Variants in CERS3 observed in about 807,000 individuals in gnomAD.
CERS3 encodes the protein LAG1 homolog, ceramide synthase 3.
Under a neutral mutation model 50.3 loss-of-function variants are expected in CERS3, and 33 were observed. The ratio of observed to expected loss-of-function variants is 0.66; its 90% CI spans 0.50 to 0.88. CERS3 has a LOEUF of 0.88. Among genes scored for constraint, CERS3 ranks in the 40% least tolerant of loss-of-function variants. The probability of loss-of-function intolerance (pLI) is 0.00; values close to 1 mark genes in which losing one functional copy is unlikely to be tolerated. For synonymous variants in CERS3, 176 were observed against 155.2 expected (o/e 1.13, Z -0.99); for missense variants, 470 against 460.3 (o/e 1.02, Z -0.19).
chr15:100,418,981 C>T (rs975939032), intron 11 of CERS3, among the ~76,000 whole-genome samples: 1 of 151,342 alleles, frequency 6.6e-6, no homozygotes, highest in Admixed American at 6.6e-5. Context: ...AAAATCGTGC[C>T]AAATTGTAAA....
Position 100,520,902 on chromosome 15 carries a change from T to C in CERS3, c.-2+765A>G, listed in dbSNP as rs376995609. Among the ~76,000 whole-genome samples the C allele has an allele frequency of 7.2e-5, 11 of 152,270 alleles. No individual in the cohort carries two copies. In the East Asian group the frequency reaches 2.1e-3, roughly 29 times the overall value. On this transcript the variant is annotated intron_variant, in intron 2 of 11. Transcript: ENST00000679737. ...TCTTGCAGGTCAAAACCGGGAATAA[T>C]AATACCAGCTTTTCACAGACCGTTA...
At chr15:100,523,261 C>G (rs1241763410) in intron 1 of CERS3, among the ~76,000 whole-genome samples, 1 of 152,112 alleles carries the variant, frequency 6.6e-6, no homozygotes, top group Admixed American at 6.5e-5. Context: ...ATGCATGACT[C>G]CTTACATGTT....
intron 7 of CERS3, among the ~76,000 whole-genome samples, chr15:100,478,037 C>T (rs999654826): frequency 2.0e-5 from 3 of 152,090 alleles, no homozygotes; most frequent in African/African-American, 7.2e-5. Flanking sequence ...TAATCAAAAG[C>T]TATGAAGCAT....
At chr15:100,508,648 A>G (rs1257168237) in intron 2 of CERS3, among the ~76,000 whole-genome samples, 1 of 152,194 alleles carries the variant, frequency 6.6e-6, no homozygotes, top group East Asian at 1.9e-4. Context: ...ACTGATGCCC[A>G]CATTAAGTTC....
At chr15:100,480,095 T>A (rs1234996334) in intron 5 of CERS3, 49 bp from the exon 6 acceptor site, 6 of 1,395,226 alleles carry the variant, frequency 4.3e-6, no homozygotes, top group East Asian at 2.3e-5. Context: ...GTAACTGAGA[T>A]TTGAGGAGAA....
chr15:100,484,451 G>A (rs1335802381), intron 5 of CERS3, 99 bp downstream of exon 5: 3 of 839,370 alleles, frequency 3.6e-6, no homozygotes, highest in African/African-American at 1.7e-5. Flanking sequence ...AGCTGGGTCT[G>A]AACCCTCCCT....
chr15:100,488,439 C>T (rs1007639727), intron 4 of CERS3, among the ~76,000 whole-genome samples: 1 of 152,076 alleles, frequency 6.6e-6, no homozygotes, highest in Non-Finnish European at 1.5e-5. Flanking sequence ...GTTTTTCATC[C>T]ACCCAGCAAC....
At chr15:100,485,362 A>G (rs750468031) in intron 4 of CERS3, among the ~76,000 whole-genome samples, 3 of 152,238 alleles carry the variant, frequency 2.0e-5, no homozygotes, top group Non-Finnish European at 4.4e-5. Flanking sequence ...ATTGGAAACA[A>G]TATGAATGAT....
chr15:100,446,951 G>A (rs1405793516), intron 11 of CERS3, among the ~76,000 whole-genome samples: 1 of 152,160 alleles, frequency 6.6e-6, no homozygotes, highest in Non-Finnish European at 1.5e-5. Context: ...CCAAGTTCCA[G>A]CCTGACTCTA....
At position 100,528,799 on chromosome 15, in the gene CERS3, G is replaced by A. The variant is rs563830497; in HGVS notation, c.-92+14C>T. ...GTCCTCAAATACTAACCACATCCAT[G>A]GGATGGCGCCTACCTTTCTGAAATG... On this transcript the variant is annotated intron_variant, in intron 1 of 11. Transcript: ENST00000679737. 1 of 152,306 alleles carries A rather than the reference G, an allele frequency of 6.6e-6. No individual in the cohort carries two copies. The highest frequency in any genetic ancestry group is 1.9e-4 in the East Asian group (1 of 5,180). 9.4% of individuals were successfully genotyped at this position (152,306 alleles called of 1,614,324 possible).
At chr15:100,524,792 G>T (rs1241759190) in intron 1 of CERS3, among the ~76,000 whole-genome samples, 1 of 152,146 alleles carries the variant, frequency 6.6e-6, no homozygotes, top group Non-Finnish European at 1.5e-5. Flanking sequence ...CTTAAATTTT[G>T]AAATGATTAG....
At chr15:100,480,519 G>A (rs1270638589) in intron 5 of CERS3, among the ~76,000 whole-genome samples, 3 of 152,072 alleles carry the variant, frequency 2.0e-5, no homozygotes, top group Non-Finnish European at 4.4e-5. Flanking sequence ...CCTAAAAGTA[G>A]GTTTTGAAAG....
intron 11 of CERS3, among the ~76,000 whole-genome samples, chr15:100,436,062 G>A (rs1372543941): frequency 1.3e-5 from 2 of 152,206 alleles, no homozygotes; most frequent in African/African-American, 2.4e-5. Context: ...AGACAGTGTG[G>A]TGAATTTCAC....
At position 100,453,907 on chromosome 15, in the gene CERS3, C is replaced by T. The variant is rs549320631; in HGVS notation, c.999+1986G>A. Among the ~76,000 whole-genome samples, 25 of 152,150 alleles carry T rather than the reference C, an allele frequency of 1.6e-4. No homozygotes were observed. The South Asian group carries it at 3.9e-3, about 24-fold the overall frequency. ...CCCATTTACAATAACTACAAAAATA[C>T]CTAGGAATAAATTTAACCAAGGAGG... On this transcript the variant is annotated intron_variant, in intron 11 of 11. Coordinates refer to ENST00000679737, the MANE Select transcript of CERS3 (RefSeq NM_001378789.1).
At chr15:100,483,789 T>TA (rs1567652753) in intron 5 of CERS3, among the ~76,000 whole-genome samples, 2 of 110,668 alleles carry the variant, frequency 1.8e-5, no homozygotes, top group African/African-American at 6.6e-5. Flanking sequence ...TTATTATTAT[T>TA]TTTTTTTTTG....
chr15:100,411,444 G>A (rs1410016938), intron 11 of CERS3, among the ~76,000 whole-genome samples: 3 of 152,070 alleles, frequency 2.0e-5, no homozygotes, highest in Non-Finnish European at 4.4e-5. Context: ...TTACAGACGT[G>A]AGCCACCGTG....
chr15:100,455,263 AC>A (rs2034326608), intron 11 of CERS3, among the ~76,000 whole-genome samples: 1 of 152,078 alleles, frequency 6.6e-6, no homozygotes, highest in Non-Finnish European at 1.5e-5. Flanking sequence ...AAAAAAAAAA[AC>A]AATATACCAA....
chr15:100,445,257 G>T (rs2033885401), intron 11 of CERS3, among the ~76,000 whole-genome samples: 1 of 118,744 alleles, frequency 8.4e-6, no homozygotes, highest in African/African-American at 3.1e-5. Flanking sequence ...CTCCTGTCTA[G>T]TCGTACTCCT....
intron 9 of CERS3, among the ~76,000 whole-genome samples, chr15:100,472,220 G>A (rs114620636): frequency 0.014 from 2,170 of 152,248 alleles, 59 homozygotes; most frequent in African/African-American, 0.05. Flanking sequence ...CAGCAGTTCT[G>A]GGAACTGTTG....
Sources: gnomAD v4.1 joint callset for allele counts (sites outside exome capture counted in the v4.1 genomes callset) on GRCh38, gnomAD v4.1.1 for gene constraint, MANE v1.5 for transcripts, NCBI Gene and HGNC (gene_info 2026-07-23, HGNC 2026-07-21) for gene names.